Variants in RAB3GAP1 observed in about 807,000 individuals in gnomAD.
RAB3GAP1 encodes the protein RAB3 GTPase activating protein catalytic subunit 1, also known as rab3 GTPase-activating protein catalytic subunit.
RAB3GAP1 carries 86 observed loss-of-function variants against 130.7 expected under a neutral mutation model. The observed-to-expected ratio is 0.66, with a 90% confidence interval of 0.55 to 0.79. The LOEUF (loss-of-function observed/expected upper bound fraction) is 0.79. Ranked by LOEUF, RAB3GAP1 falls within the 30% of genes least tolerant of loss-of-function variation. RAB3GAP1 has a pLI of 0.00. For synonymous variants in RAB3GAP1, 367 were observed against 401.7 expected, an observed-to-expected ratio of 0.91 and a Z score of 1.03; for missense variants, 1,029 against 1,169.4, an observed-to-expected ratio of 0.88 and a Z score of 1.75.
At chr2:135,108,635 G>A (rs1187191380) in intron 5 of RAB3GAP1, among the ~76,000 whole-genome samples, 1 of 151,518 alleles carries the variant, frequency 6.6e-6, no homozygotes, top group Non-Finnish European at 1.5e-5. Context: ...CCCAGACTAT[G>A]GTTTTCTCTT....
At chr2:135,079,978 G>A (rs1412722150) in intron 3 of RAB3GAP1, among the ~76,000 whole-genome samples, 2 of 151,950 alleles carry the variant, frequency 1.3e-5, no homozygotes, top group African/African-American at 4.8e-5. Flanking sequence ...TTAGCCGGGC[G>A]CAGTGGCGGG....
At chr2:135,099,431 CTGTGTG>C (rs141856311) in intron 5 of RAB3GAP1, among the ~76,000 whole-genome samples, 290 of 142,580 alleles carry the variant, frequency 2.0e-3, no homozygotes, top group African/African-American at 5.5e-3. Context: ...ATTTGTATTT[CTGTGTG>C]TGTGTGTGTG....
intron 9 of RAB3GAP1, 117 bp from the exon 10 acceptor site, chr2:135,126,064 T>G (rs991377869): frequency 1.0e-4 from 79 of 760,930 alleles, no homozygotes; most frequent in Non-Finnish European, 1.5e-4. Flanking sequence ...CAGTATGTTG[T>G]ATTATAAATA....
intron 18 of RAB3GAP1, among the ~76,000 whole-genome samples, chr2:135,151,931 A>T (rs1692188202): frequency 6.6e-6 from 1 of 152,212 alleles, no homozygotes; most frequent in Admixed American, 6.5e-5. Flanking sequence ...CCTTCTTGGT[A>T]AAGTTCTATA....
Position 135,135,818 on chromosome 2 carries a change from C to G in RAB3GAP1, c.1809C>G (p.Gly603=). 6.2e-7 allele frequency: 1 copy of G among 1,614,096 alleles called. No homozygotes were observed. The highest frequency in any genetic ancestry group is 1.1e-5 in the South Asian group (1 of 91,066). The change falls in exon 17 of 24, where the codon GGC becomes GGG. Residue 603 remains glycine (G), a synonymous_variant. Coordinates refer to ENST00000264158, the MANE Select transcript of RAB3GAP1 (RefSeq NM_012233.3). ...EELKGNGQES[G]KKGGPKEMAN... ...TTAAAGGAAATGGACAAGAGAGTGG[C>G]AAGAAAGGAGGACCTAAGGAGATGG... is the stretch of plus-strand genomic sequence containing the variant.
intron 17 of RAB3GAP1, 78 bp from the exon 18 acceptor site, chr2:135,150,291 T>G: frequency 1.3e-6 from 2 of 1,544,774 alleles, no homozygotes; most frequent in Non-Finnish European, 1.8e-6. Context: ...GAAATGACTG[T>G]TGTCTTTATT....
At chr2:135,095,812 C>T (rs1397733387) in intron 5 of RAB3GAP1, among the ~76,000 whole-genome samples, 5 of 152,156 alleles carry the variant, frequency 3.3e-5, no homozygotes, top group African/African-American at 9.7e-5. Flanking sequence ...GTATACACTA[C>T]CTGCCCCTTA....
At chr2:135,174,613 G>C (rs1453525887), downstream of RAB3GAP1, among the ~76,000 whole-genome samples, 3 of 152,182 alleles carry the variant, frequency 2.0e-5, no homozygotes, top group Non-Finnish European at 2.9e-5. Flanking sequence ...ATAATGACTT[G>C]TCCATGCTGT....
intron 3 of RAB3GAP1, among the ~76,000 whole-genome samples, chr2:135,067,140 A>G (rs570269932): frequency 6.6e-6 from 1 of 152,334 alleles, no homozygotes. Flanking sequence ...CTTTATATAA[A>G]CAGTTTAGAT....
chr2:135,150,325 C>T (rs1465385067), intron 17 of RAB3GAP1, 44 bp from the exon 18 acceptor site: 7 of 1,611,542 alleles, frequency 4.3e-6, no homozygotes, highest in Non-Finnish European at 5.9e-6. Flanking sequence ...ACTTCTTTTT[C>T]TAAAAAGGGC....
intron 19 of RAB3GAP1, among the ~76,000 whole-genome samples, chr2:135,159,479 C>T (rs957088633): frequency 6.6e-6 from 1 of 152,196 alleles, no homozygotes. Flanking sequence ...AGGAAAACAT[C>T]AGATAAACCA....
chr2:135,122,056 G>A (rs1476266433), intron 8 of RAB3GAP1, among the ~76,000 whole-genome samples: 1 of 151,672 alleles, frequency 6.6e-6, no homozygotes, highest in Non-Finnish European at 1.5e-5. Flanking sequence ...TTGCGCCACT[G>A]TACTCCAGCC....
chr2:135,080,811 A>G (rs935214367), intron 3 of RAB3GAP1, among the ~76,000 whole-genome samples: 26 of 152,284 alleles, frequency 1.7e-4, no homozygotes, highest in African/African-American at 6.0e-4. Flanking sequence ...CTGTGGAATG[A>G]AAGTCAAAAG....
At chr2:135,164,146 A>C (rs1040291923) in intron 22 of RAB3GAP1, among the ~76,000 whole-genome samples, 8 of 152,220 alleles carry the variant, frequency 5.3e-5, no homozygotes, top group African/African-American at 1.4e-4. Context: ...TGCCCAACAC[A>C]AGTATTTTAA....
At chr2:135,133,230 C>T (rs978718502) in intron 14 of RAB3GAP1, among the ~76,000 whole-genome samples, 3 of 152,124 alleles carry the variant, frequency 2.0e-5, no homozygotes, top group African/African-American at 7.2e-5. Flanking sequence ...GGATTTCCCT[C>T]ATTGTAGAGT....
chr2:135,087,632 A>G (rs1398439788), intron 3 of RAB3GAP1, among the ~76,000 whole-genome samples: 1 of 151,852 alleles, frequency 6.6e-6, no homozygotes, highest in African/African-American at 2.4e-5. Flanking sequence ...TCTTTTTTTA[A>G]TTGTAGTAAG....
intron 3 of RAB3GAP1, among the ~76,000 whole-genome samples, chr2:135,059,459 C>G (rs1689108876): frequency 6.6e-6 from 1 of 151,944 alleles, no homozygotes; most frequent in Non-Finnish European, 1.5e-5. Context: ...AACATAAATT[C>G]TAGTGAGGGT....
chr2:135,133,508 T>G (rs1691602130), intron 14 of RAB3GAP1, among the ~76,000 whole-genome samples: 1 of 152,162 alleles, frequency 6.6e-6, no homozygotes, highest in Non-Finnish European at 1.5e-5. Flanking sequence ...ATTTTCAGTT[T>G]AGATAGTTAT....
chr2:135,158,721 G>A (rs867418404), intron 19 of RAB3GAP1, among the ~76,000 whole-genome samples: 4 of 152,150 alleles, frequency 2.6e-5, no homozygotes, highest in African/African-American at 7.2e-5. Context: ...ATTTTTAAGT[G>A]TTTCTCTATA....
Sources: allele counts gnomAD v4.1 joint callset (sites outside exome capture counted in the v4.1 genomes callset), GRCh38; gene constraint gnomAD v4.1.1; transcripts MANE v1.5; gene names NCBI Gene and HGNC (gene_info 2026-07-23, HGNC 2026-07-21).